NCAPD3: variants seen among roughly 807,000 people sequenced by gnomAD.
NCAPD3 encodes the protein non-SMC condensin II complex subunit D3, also known as condensin-2 complex subunit D3.
A neutral mutation model predicts 182.9 loss-of-function variants in NCAPD3; 105 were observed. The ratio of observed to expected loss-of-function variants is 0.57; its 90% CI spans 0.49 to 0.68. The LOEUF is 0.68. Among genes scored for constraint, NCAPD3 ranks in the 30% least tolerant of loss-of-function variants. NCAPD3 has a pLI of 0.00. For missense variants in NCAPD3, 1,944 were observed against 1,837.0 expected, an observed-to-expected ratio of 1.06 and a Z score of -1.07; for synonymous variants, 815 against 679.9, an observed-to-expected ratio of 1.20 and a Z score of -3.09.
intron 13 of NCAPD3, among the ~76,000 whole-genome samples, chr11:134,201,216 G>T (rs1021515813): frequency 8.6e-5 from 13 of 151,908 alleles, no homozygotes; most frequent in African/African-American, 3.1e-4. Context: ...TAGAGACGGG[G>T]TTTCACCATG....
At position 134,153,219 on chromosome 11, in the gene NCAPD3, AAC is replaced by A. The variant is rs1200378912; in HGVS notation, c.4328-21_4328-20del. On this transcript the variant is annotated intron_variant, in intron 33 of 34. Transcript: ENST00000534548. ...ATTTTCTCTAAAAGGGAGTCAAACA[AAC>A]ACATTCAGCTTTCCCAGAACCTCAA... 3 of 1,613,858 alleles carry A rather than the reference AAC, an allele frequency of 1.9e-6. No homozygotes were observed. The highest frequency in any genetic ancestry group is 2.5e-6 in the Non-Finnish European group (3 of 1,179,844).
intron 20 of NCAPD3, among the ~76,000 whole-genome samples, chr11:134,180,586 A>G (rs1477740581): frequency 6.6e-6 from 1 of 152,212 alleles, no homozygotes; most frequent in Non-Finnish European, 1.5e-5. Context: ...TGGGGCTCCA[A>G]GGTCATCTGT....
chr11:134,225,141 G>A (rs1938419948), upstream of NCAPD3: 1 of 1,609,984 alleles, frequency 6.2e-7, no homozygotes, highest in South Asian at 1.1e-5. Context: ...CTTCGGCTTC[G>A]GGCAGAGCGT....
chr11:134,167,847 G>A (rs2120682132), intron 27 of NCAPD3, 149 bp downstream of exon 27: 1 of 757,766 alleles, frequency 1.3e-6, no homozygotes, highest in East Asian at 2.6e-5. Flanking sequence ...GATGAGCTTG[G>A]GGGAGCAGCA....
chr11:134,212,256 C>T (rs138190037), intron 3 of NCAPD3, among the ~76,000 whole-genome samples: 13 of 152,110 alleles, frequency 8.5e-5, no homozygotes, highest in African/African-American at 2.9e-4. Context: ...AGCTGTTTAT[C>T]TTGTTTCTAA....
At chr11:134,217,632 T>C (rs1407221776) in intron 2 of NCAPD3, among the ~76,000 whole-genome samples, 1 of 152,206 alleles carries the variant, frequency 6.6e-6, no homozygotes, top group Non-Finnish European at 1.5e-5. Context: ...ATTAATTCTA[T>C]CTTCATTCCA....
intron 32 of NCAPD3, among the ~76,000 whole-genome samples, chr11:134,154,683 C>T (rs150577791): frequency 6.6e-6 from 1 of 152,288 alleles, no homozygotes; most frequent in Non-Finnish European, 1.5e-5. Flanking sequence ...GGGAACAGCA[C>T]GGGCTGGGCA....
chr11:134,189,752 T>C (rs542091150), intron 16 of NCAPD3, among the ~76,000 whole-genome samples: 1 of 152,334 alleles, frequency 6.6e-6, no homozygotes, highest in Admixed American at 6.5e-5. Flanking sequence ...CACATAACTC[T>C]TCCAGGTATA....
At chr11:134,192,513 G>A (rs376769016) in intron 16 of NCAPD3, among the ~76,000 whole-genome samples, 176 bp downstream of exon 16, 5 of 152,186 alleles carry the variant, frequency 3.3e-5, no homozygotes, top group Admixed American at 6.5e-5. Flanking sequence ...ACATACAGGC[G>A]ATAAAAATAT....
At chr11:134,168,292 G>A (rs753416804) in intron 26 of NCAPD3, 97 bp from the exon 27 acceptor site, 9 of 1,433,598 alleles carry the variant, frequency 6.3e-6, no homozygotes, top group Non-Finnish European at 7.8e-6. Context: ...ATCTGAGGCT[G>A]TCAGGGGGTC....
At chr11:134,158,273 T>A in intron 30 of NCAPD3, 56 bp downstream of exon 30, 1 of 1,604,486 alleles carries the variant, frequency 6.2e-7, no homozygotes, top group South Asian at 1.1e-5. Context: ...CAGGGACGCC[T>A]CTGAGAACAT....
chr11:134,158,339 GCAGCAA>G lies in NCAPD3; in HGVS notation c.4018_4023del (p.Leu1340_Leu1341del), dbSNP rs1565516662. 2 of 1,614,150 alleles carry G rather than the reference GCAGCAA, an allele frequency of 1.2e-6. No homozygotes were observed. Among genetic ancestry groups the G allele is most frequent in the Non-Finnish European group, 1.7e-6 (2 of 1,180,036 alleles). On this transcript the variant is annotated inframe_deletion, in exon 30 of 35. Coordinates refer to ENST00000534548, the MANE Select transcript of NCAPD3 (RefSeq NM_015261.3). ...CCAGGGGCTCTTTACCTGGCTTTGGGCAGCAACCTCTGCAATGGCCCTGTTTCAGGT... is the reference window on the plus strand; with the variant it reads ...CCAGGGGCTCTTTACCTGGCTTTGGGCCTCTGCAATGGCCCTGTTTCAGGT...
intron 2 of NCAPD3, 28 bp from the exon 3 acceptor site, chr11:134,217,126 C>A (rs757791147): frequency 6.5e-7 from 1 of 1,537,306 alleles, no homozygotes. Context: ...ATCACAAAAG[C>A]CAGTCATTAG....
At chr11:134,164,657 A>T (rs1443089470) in intron 27 of NCAPD3, among the ~76,000 whole-genome samples, 1 of 149,702 alleles carries the variant, frequency 6.7e-6, no homozygotes, top group African/African-American at 2.5e-5. Flanking sequence ...ATCACTTGTG[A>T]CATGAGCTTG....
rs770933560 is a variant in NCAPD3, at chr11:134,185,338, C to A, written c.2234G>T (p.Ser745Ile). The A allele has an allele frequency of 6.2e-7, 1 of 1,601,736 alleles. No homozygotes were observed. The highest frequency in any genetic ancestry group is 1.7e-5 in the Admixed American group (1 of 57,630). Residue 745 changes from serine (S) to isoleucine (I), a missense_variant, in exon 17 of 35, where the codon AGC (serine) becomes ATC (isoleucine). Ser to Ile is a moderately radical substitution (Grantham distance 142). Transcript: ENST00000534548. ...GGTTAAATTAGAAGATACAAACCTG[C>A]TGATTTTCTCCCAAGATTGTATTAT... ...SRIIQSWEKI[S>I]SQQNPNSNTL...
chr11:134,212,378 TGTG>T (rs1937868482), intron 3 of NCAPD3, among the ~76,000 whole-genome samples: 1 of 144,318 alleles, frequency 6.9e-6, no homozygotes, highest in Non-Finnish European at 1.6e-5. Context: ...TGTTGTTTTG[TGTG>T]TGTGTGTGTG....
At chr11:134,212,455 G>A (rs1044326305) in intron 3 of NCAPD3, among the ~76,000 whole-genome samples, 3 of 151,202 alleles carry the variant, frequency 2.0e-5, no homozygotes, top group Non-Finnish European at 4.4e-5. Context: ...GTACAGTGGC[G>A]TGGATCTCGG....
chr11:134,225,222 A>G (rs373569374), upstream of NCAPD3: 39 of 1,614,130 alleles, frequency 2.4e-5, no homozygotes, highest in Non-Finnish European at 3.2e-5. Flanking sequence ...GGACGGGAAG[A>G]AGGAGAAATA....
chr11:134,205,894 A>C (rs1181261036), intron 8 of NCAPD3, among the ~76,000 whole-genome samples: 1 of 152,150 alleles, frequency 6.6e-6, no homozygotes, highest in Admixed American at 6.5e-5. Flanking sequence ...TACACACCCC[A>C]TGTCTCCAAC....
Sources: allele counts gnomAD v4.1 joint callset (sites outside exome capture counted in the v4.1 genomes callset), GRCh38; gene constraint gnomAD v4.1.1; transcripts MANE v1.5; gene names NCBI Gene and HGNC (gene_info 2026-07-23, HGNC 2026-07-21).